Variants in NSUN6 observed in about 807,000 individuals in gnomAD.
NSUN6 encodes tRNA (cytosine(72)-C(5))-methyltransferase NSUN6.
Under a neutral mutation model 58.0 loss-of-function variants are expected in NSUN6, and 64 were observed. The ratio of observed to expected loss-of-function variants is 1.10; its 90% CI spans 0.90 to 1.36. The LOEUF is 1.36. Among genes scored for constraint, NSUN6 ranks in the 40% most tolerant of loss-of-function variants. The pLI, the probability that NSUN6 is intolerant of heterozygous loss-of-function variation, is 0.00. For missense variants in NSUN6, 701 were observed against 550.1 expected, an observed-to-expected ratio of 1.27 and a Z score of -2.74; for synonymous variants, 231 against 193.9, an observed-to-expected ratio of 1.19 and a Z score of -1.59.
At position 18,651,393 on chromosome 10, in the gene NSUN6, C is replaced by A. The variant is rs1448343502; in HGVS notation, c.-190G>T. ...CTCAAGCCTAGCCGATTAGAAGGGG[C>A]TGCCGGGCTTCCACCACACCTCATC... is the stretch of plus-strand genomic sequence containing the variant. On this transcript the variant is annotated 5_prime_UTR_variant, in exon 1 of 11. Transcript: ENST00000377304. 2 of 1,293,916 alleles carry A rather than the reference C, an allele frequency of 1.5e-6. No homozygotes were observed. The allele number at this position is 1,293,916 out of a possible 1,614,324, so 80.2% of individuals were successfully genotyped here. A position where few individuals can be genotyped will look rare whatever the true frequency, so the allele number is the denominator to read the frequency against.
intron 4 of NSUN6, among the ~76,000 whole-genome samples, chr10:18,614,850 C>A (rs1219941867): frequency 2.0e-5 from 3 of 152,028 alleles, no homozygotes; most frequent in African/African-American, 7.2e-5. Context: ...AAAATAGCTT[C>A]AAAACATCCT....
chr10:18,551,961 T>G lies in NSUN6; in HGVS notation c.933A>C (p.Pro311=). The G allele has an allele frequency of 6.2e-7, 1 of 1,602,352 alleles. No homozygotes were observed. ...DMVEDTEGEP[P]FLPESFDRIL... ...TTCGGTCAAAGGATTCTGGTAGAAA[T>G]GGAGGTTCTCCTATAAAGAGAATTA... The change falls in exon 9 of 11, where the codon CCA becomes CCC. Residue 311 remains proline, a synonymous_variant. Coordinates refer to ENST00000377304, the MANE Select transcript of NSUN6 (RefSeq NM_182543.5).
chr10:18,601,960 A>G (rs2057859091), intron 6 of NSUN6, among the ~76,000 whole-genome samples: 2 of 149,718 alleles, frequency 1.3e-5, no homozygotes, highest in Admixed American at 6.7e-5. Flanking sequence ...GTGACAGACT[A>G]ACACTCTATC....
chr10:18,658,053 A>C (rs1397790791), upstream of NSUN6, among the ~76,000 whole-genome samples: 1 of 152,190 alleles, frequency 6.6e-6, no homozygotes, highest in Non-Finnish European at 1.5e-5. Context: ...ACGGAATCTA[A>C]AGTTTGTTTT....
At chr10:18,621,936 G>T (rs1243517658) in intron 3 of NSUN6, among the ~76,000 whole-genome samples, 3 of 152,084 alleles carry the variant, frequency 2.0e-5, no homozygotes, top group Non-Finnish European at 4.4e-5. Context: ...TTTGCAGCAG[G>T]ACTGCCACCT....
chr10:18,653,210 A>G (rs143510150), upstream of NSUN6: 69 of 984,758 alleles, frequency 7.0e-5, 1 homozygote, highest in Middle Eastern at 5.2e-4. Context: ...TCACACCACT[A>G]TGTACCCAAG....
chr10:18,583,232 G>A (rs1031954132), intron 8 of NSUN6, among the ~76,000 whole-genome samples: 1 of 152,122 alleles, frequency 6.6e-6, no homozygotes, highest in Admixed American at 6.6e-5. Flanking sequence ...CCCCTCCTCT[G>A]CTAACAATAG....
chr10:18,633,809 A>G (rs2059120578), intron 3 of NSUN6, among the ~76,000 whole-genome samples: 1 of 152,190 alleles, frequency 6.6e-6, no homozygotes, highest in Non-Finnish European at 1.5e-5. Flanking sequence ...AGAAATACCA[A>G]CCAACTTTGT....
chr10:18,620,109 A>G (rs200718872), intron 3 of NSUN6, among the ~76,000 whole-genome samples: 52,334 of 150,036 alleles, frequency 0.35, 9,603 homozygotes, highest in East Asian at 0.74. Flanking sequence ...TTTTTTTGAG[A>G]CGGAGTCTAG....
chr10:18,621,705 G>C (rs1417664051), intron 3 of NSUN6, among the ~76,000 whole-genome samples: 2 of 152,160 alleles, frequency 1.3e-5, no homozygotes, highest in Non-Finnish European at 2.9e-5. Context: ...CCTAGATTGA[G>C]AGAAAAGTAT....
At chr10:18,653,838 C>A (rs2059747892), upstream of NSUN6, among the ~76,000 whole-genome samples, 1 of 152,068 alleles carries the variant, frequency 6.6e-6, no homozygotes, top group Admixed American at 6.5e-5. Flanking sequence ...ATGAATACAC[C>A]CATATAAGAT....
chr10:18,598,001 C>T (rs942354235), intron 6 of NSUN6, among the ~76,000 whole-genome samples: 3 of 152,128 alleles, frequency 2.0e-5, no homozygotes, highest in Admixed American at 6.6e-5. Flanking sequence ...CCATAATATC[C>T]CCTGTGACCC....
At chr10:18,566,770 GCATTC>G (rs1185993468) in intron 8 of NSUN6, among the ~76,000 whole-genome samples, 9 of 143,830 alleles carry the variant, frequency 6.3e-5, no homozygotes, top group Admixed American at 2.1e-4. Flanking sequence ...ATTCGATTCT[GCATTC>G]CATTCCATTA....
intron 3 of NSUN6, among the ~76,000 whole-genome samples, chr10:18,622,438 GCA>G (rs1564814597): frequency 6.6e-6 from 1 of 152,188 alleles, no homozygotes; most frequent in Admixed American, 6.5e-5. Flanking sequence ...AATCAGCTGC[GCA>G]CAGTGGCTCA....
chr10:18,617,358 G>A (rs1402204485), intron 3 of NSUN6, among the ~76,000 whole-genome samples: 1 of 151,718 alleles, frequency 6.6e-6, no homozygotes, highest in Admixed American at 6.6e-5. Context: ...TGGCTAACTT[G>A]TGTATTTTTA....
At chr10:18,549,501 T>C (rs1233540496) in intron 9 of NSUN6, among the ~76,000 whole-genome samples, 2 of 152,178 alleles carry the variant, frequency 1.3e-5, no homozygotes, top group African/African-American at 2.4e-5. Context: ...CATTGCATTA[T>C]TGCCTTCTAA....
intron 3 of NSUN6, among the ~76,000 whole-genome samples, chr10:18,618,483 ACCAG>A (rs750528933): frequency 2.0e-5 from 3 of 151,998 alleles, no homozygotes; most frequent in Non-Finnish European, 4.4e-5. Context: ...GGAGTTCAAG[ACCAG>A]CCTGACCAAC....
chr10:18,635,106 T>A (rs941969790), intron 3 of NSUN6, among the ~76,000 whole-genome samples: 3 of 152,212 alleles, frequency 2.0e-5, no homozygotes, highest in East Asian at 3.9e-4. Flanking sequence ...AGGGTGCCTA[T>A]GTGACCAGCC....
chr10:18,635,763 G>A (rs1405190682), intron 3 of NSUN6, among the ~76,000 whole-genome samples: 1 of 151,630 alleles, frequency 6.6e-6, no homozygotes, highest in Non-Finnish European at 1.5e-5. Context: ...ACTTGAACCC[G>A]GGAGGCAGGG....
Sources: gnomAD v4.1 joint callset for allele counts (sites outside exome capture counted in the v4.1 genomes callset) on GRCh38, gnomAD v4.1.1 for gene constraint, MANE v1.5 for transcripts, NCBI Gene and HGNC (gene_info 2026-07-23, HGNC 2026-07-21) for gene names.